The following TSHR variants were observed in gnomAD, a reference collection of about 807,000 sequenced individuals.
TSHR encodes thyrotropin receptor.
TSHR carries 51 observed loss-of-function variants against 64.1 expected under a neutral mutation model. The ratio of observed to expected loss-of-function variants is 0.80; its 90% CI spans 0.64 to 1.01. The LOEUF is 1.01. Among genes scored for constraint, TSHR ranks in the 50% least tolerant of loss-of-function variants. TSHR has a pLI of 0.00. For synonymous variants in TSHR, 361 were observed against 361.9 expected (o/e 1.00, Z 0.03); for missense variants, 877 against 942.8 (o/e 0.93, Z 0.91).
At chr14:81,027,978 A>C (rs1482959494) in intron 1 of TSHR, among the ~76,000 whole-genome samples, 1 of 152,160 alleles carries the variant, frequency 6.6e-6, no homozygotes. Flanking sequence ...TAAGCACATA[A>C]CTAACCAAAA....
At position 80,978,464 on chromosome 14, in the gene TSHR, G is replaced by A. The variant is rs145137887; in HGVS notation, c.170+22614G>A. The stretch of plus-strand genomic sequence containing the variant: ...AAGATAACATCTGTGAAAGATAAAG[G>A]GGGAGAGCCCCAGACTGTGCTACAG... On this transcript the variant is annotated intron_variant, in intron 1 of 9. Coordinates refer to ENST00000298171, the MANE Select transcript of TSHR (RefSeq NM_000369.5). Among the ~76,000 whole-genome samples the A allele has an allele frequency of 1.7e-3, 254 of 152,330 alleles. 1 individual carries two copies. Among genetic ancestry groups the A allele is most frequent in the African/African-American group, 5.2e-3 (216 of 41,568 alleles).
rs187891791 is a variant in TSHR at position 81,146,299 on chromosome 14, C to T, written c.*1946C>T. ...ATAAATTTTCTTCCTATGGAATAAT[C>T]GTGCCAAGTCCTAGAGTGTTGTTCT... On this transcript the variant is annotated 3_prime_UTR_variant, in exon 10 of 10. Transcript: ENST00000298171. 79 of 193,424 alleles carry T rather than the reference C, an allele frequency of 4.1e-4. No homozygotes were observed. The highest frequency in any genetic ancestry group is 3.1e-3 in the East Asian group (38 of 12,254). The allele number at this position is 193,424 out of a possible 1,614,324, so 12.0% of individuals were successfully genotyped here. A position where few individuals can be genotyped will look rare whatever the true frequency, so the allele number is the denominator to read the frequency against.
At chr14:81,085,119 A>G (rs112559038) in intron 3 of TSHR, among the ~76,000 whole-genome samples, 4,997 of 152,018 alleles carry the variant, frequency 0.033, 242 homozygotes, top group African/African-American at 0.1. Flanking sequence ...AAGCCACCAC[A>G]CCCGGCTAAT....
chr14:81,052,528 G>A (rs780375517), intron 1 of TSHR: 1 of 152,132 alleles, frequency 6.6e-6, no homozygotes, highest in Non-Finnish European at 1.5e-5. Context: ...TGGTTATTCA[G>A]GGTCTATTGT....
rs1566807422 is a variant in TSHR, at chr14:81,091,054, T to G, written c.393-15T>G. The G allele has an allele frequency of 6.2e-7, 1 of 1,606,484 alleles. No individual in the cohort carries two copies. Among genetic ancestry groups the G allele is most frequent in the South Asian group, 1.1e-5 (1 of 91,008 alleles). On this transcript the variant is annotated splice_polypyrimidine_tract_variant and intron_variant, in intron 4 of 9. Coordinates refer to ENST00000298171, the MANE Select transcript of TSHR (RefSeq NM_000369.5). ...AAATTCTATGCTTTTTTTTCTCTTT[T>G]TTTCATTAATTTAGTGGCATTTTCA...
At chr14:80,972,385 T>C (rs1213596176) in intron 1 of TSHR, among the ~76,000 whole-genome samples, 1 of 152,164 alleles carries the variant, frequency 6.6e-6, no homozygotes, top group African/African-American at 2.4e-5. Context: ...TTCACAGTGG[T>C]CTTCCTTGGG....
intron 8 of TSHR, among the ~76,000 whole-genome samples, chr14:81,109,393 A>T (rs1389796482): frequency 1.3e-5 from 2 of 152,160 alleles, no homozygotes; most frequent in Non-Finnish European, 2.9e-5. Context: ...TGGACGACAG[A>T]GCGAGAGTCT....
intron 8 of TSHR, among the ~76,000 whole-genome samples, chr14:81,121,328 T>C (rs1006090433): frequency 1.3e-5 from 2 of 152,128 alleles, no homozygotes; most frequent in Non-Finnish European, 2.9e-5. Flanking sequence ...ATGGCGACAT[T>C]GAAGAAGACC....
intron 8 of TSHR, among the ~76,000 whole-genome samples, chr14:81,138,519 G>A (rs1352091406): frequency 6.6e-6 from 1 of 152,090 alleles, no homozygotes; most frequent in East Asian, 1.9e-4. Flanking sequence ...CAGCAGACCA[G>A]TTTGGAAAAT....
intron 1 of TSHR, among the ~76,000 whole-genome samples, chr14:81,056,976 T>A (rs898479809): frequency 2.6e-5 from 4 of 152,244 alleles, no homozygotes; most frequent in African/African-American, 9.6e-5. Flanking sequence ...ATAGTCTATA[T>A]GCAAATAGTC....
chr14:81,133,766 C>A (rs1049078819), intron 8 of TSHR, among the ~76,000 whole-genome samples: 1 of 152,090 alleles, frequency 6.6e-6, no homozygotes, highest in Non-Finnish European at 1.5e-5. Context: ...AGATCAAAAC[C>A]AAGATACACA....
chr14:80,963,969 C>T (rs560771033), intron 1 of TSHR, among the ~76,000 whole-genome samples: 1 of 152,300 alleles, frequency 6.6e-6, no homozygotes, highest in South Asian at 2.1e-4. Flanking sequence ...GGATAAATTG[C>T]TAATACTAAT....
rs745922510 is a variant in TSHR at position 80,955,773 on chromosome 14, C to A, written c.93C>A (p.Cys31Ter). ...GMGCSSPPCE[C>*]HQEEDFRVTC... ...GGTGTTCGTCTCCACCCTGCGAGTG[C>A]CATCAGGAGGAGGACTTCAGAGTCA... Residue 31 changes from cysteine to a stop codon, truncating the protein, a stop_gained, in exon 1 of 10, where the codon TGC becomes TGA. Coordinates refer to ENST00000298171, the MANE Select transcript of TSHR (RefSeq NM_000369.5). LOFTEE classifies it high-confidence loss of function. The A allele has an allele frequency of 6.2e-7, 1 of 1,614,182 alleles. No individual in the cohort carries two copies. Among genetic ancestry groups the A allele is most frequent in the Admixed American group, 1.7e-5 (1 of 60,022 alleles).
intron 3 of TSHR, among the ~76,000 whole-genome samples, chr14:81,078,474 T>G (rs184498478): frequency 6.6e-6 from 1 of 152,348 alleles, no homozygotes; most frequent in East Asian, 1.9e-4. Flanking sequence ...AACTGTTTAA[T>G]CATAATATGC....
chr14:81,003,206 C>G (rs1889433245), intron 1 of TSHR: 1 of 152,152 alleles, frequency 6.6e-6, no homozygotes, highest in Non-Finnish European at 1.5e-5. Flanking sequence ...CATTTTCATT[C>G]TACTGCTCCG....
chr14:81,072,728 T>C (rs913922890), intron 3 of TSHR, among the ~76,000 whole-genome samples: 2 of 151,562 alleles, frequency 1.3e-5, no homozygotes, highest in African/African-American at 4.9e-5. Context: ...TTAAACATTA[T>C]ACAGAAAGGT....
At chr14:80,982,369 G>A (rs1383534396) in intron 1 of TSHR, 3 of 1,259,244 alleles carry the variant, frequency 2.4e-6, no homozygotes, top group Non-Finnish European at 3.3e-6. Context: ...AAATGGAGAA[G>A]AGGCTGGTAA....
intron 1 of TSHR, among the ~76,000 whole-genome samples, chr14:80,975,177 C>T (rs1887802795): frequency 1.3e-5 from 2 of 152,186 alleles, no homozygotes; most frequent in African/African-American, 4.8e-5. Flanking sequence ...CAGAGTAAGA[C>T]TATGGCAGGT....
intron 1 of TSHR, among the ~76,000 whole-genome samples, chr14:81,036,462 T>TG (rs1330706612): frequency 2.0e-5 from 3 of 151,706 alleles, no homozygotes; most frequent in Non-Finnish European, 2.9e-5. Flanking sequence ...GAGGTGGGGG[T>TG]GCGGGGGAAC....
Sources: gnomAD v4.1 joint callset for allele counts (sites outside exome capture counted in the v4.1 genomes callset) on GRCh38, gnomAD v4.1.1 for gene constraint, MANE v1.5 for transcripts, NCBI Gene and HGNC (gene_info 2026-07-23, HGNC 2026-07-21) for gene names.